FSTL5: variants seen among roughly 807,000 people sequenced by gnomAD.
FSTL5 encodes follistatin-related protein 5.
In FSTL5, 62 loss-of-function variants were observed where a neutral mutation model predicts 89.1. The ratio of observed to expected loss-of-function variants is 0.70; its 90% CI spans 0.57 to 0.86. FSTL5 has a LOEUF of 0.86. Among genes scored for constraint, FSTL5 ranks in the 40% least tolerant of loss-of-function variants. FSTL5 has a pLI of 0.00. For synonymous variants in FSTL5, 383 were observed against 346.2 expected, an observed-to-expected ratio of 1.11 and a Z score of -1.18; for missense variants, 1,057 against 1,001.6, an observed-to-expected ratio of 1.06 and a Z score of -0.75.
chr4:161,459,067 TGC>T, intron 14 of FSTL5, 143 bp downstream of exon 14: 1 of 539,912 alleles, frequency 1.9e-6, no homozygotes, highest in Non-Finnish European at 3.3e-6. Context: ...CCAACTTTTT[TGC>T]CTTTTTCTGT....
At chr4:161,407,471 T>C (rs930021235) in intron 15 of FSTL5, among the ~76,000 whole-genome samples, 1 of 152,128 alleles carries the variant, frequency 6.6e-6, no homozygotes, top group Non-Finnish European at 1.5e-5. Context: ...CTATGGCTAG[T>C]TCCCCTCCCC....
At chr4:162,024,352 C>A (rs894188034) in intron 3 of FSTL5, among the ~76,000 whole-genome samples, 5 of 152,116 alleles carry the variant, frequency 3.3e-5, no homozygotes, top group Non-Finnish European at 5.9e-5. Context: ...ACTTGGAAAG[C>A]ACTTGACAGA....
intron 10 of FSTL5, among the ~76,000 whole-genome samples, chr4:161,511,464 CT>C (rs1250051256): frequency 6.6e-6 from 1 of 152,018 alleles, no homozygotes; most frequent in Admixed American, 6.6e-5. Context: ...GTGTGCATTC[CT>C]GCAGCACATT....
chr4:161,621,199 A>G (rs72687591), intron 7 of FSTL5, among the ~76,000 whole-genome samples: 10 of 151,890 alleles, frequency 6.6e-5, no homozygotes, highest in Admixed American at 3.9e-4. Flanking sequence ...GAAGAATTCA[A>G]TGAAAAATCA....
At chr4:162,058,422 T>C in intron 2 of FSTL5, among the ~76,000 whole-genome samples, 1 of 110,182 alleles carries the variant, frequency 9.1e-6, no homozygotes, top group Non-Finnish European at 1.8e-5. Context: ...AATAAATTCC[T>C]CTTTTTTTTT....
intron 7 of FSTL5, among the ~76,000 whole-genome samples, chr4:161,628,310 C>A (rs1469982789): frequency 6.6e-6 from 1 of 151,492 alleles, no homozygotes; most frequent in Non-Finnish European, 1.5e-5. Context: ...GTAGATTATT[C>A]TAGTTGTAGT....
chr4:161,649,218 T>G (rs527906781), intron 7 of FSTL5, among the ~76,000 whole-genome samples: 118 of 152,302 alleles, frequency 7.7e-4, no homozygotes, highest in African/African-American at 2.7e-3. Context: ...ATCTTGTAAT[T>G]TACATGTGGA....
chr4:161,541,874 A>G (rs1247540389), intron 9 of FSTL5, among the ~76,000 whole-genome samples: 1 of 151,914 alleles, frequency 6.6e-6, no homozygotes, highest in Non-Finnish European at 1.5e-5. Context: ...TATTATATGC[A>G]ACTGCTTTTA....
At chr4:161,482,042 C>T (rs763905899) in intron 12 of FSTL5, among the ~76,000 whole-genome samples, 9 of 152,084 alleles carry the variant, frequency 5.9e-5, no homozygotes, top group Non-Finnish European at 1.3e-4. Context: ...ATGTGCAGGC[C>T]GGGCGTGGTG....
intron 8 of FSTL5, among the ~76,000 whole-genome samples, chr4:161,548,327 T>G (rs867414114): frequency 2.4e-4 from 37 of 151,816 alleles, no homozygotes; most frequent in African/African-American, 8.2e-4. Context: ...TGTTCAATAA[T>G]GAAAACCAGG....
At chr4:162,089,101 CCT>C (rs138397763) in intron 2 of FSTL5, among the ~76,000 whole-genome samples, 24 of 149,772 alleles carry the variant, frequency 1.6e-4, no homozygotes, top group Middle Eastern at 3.4e-3. Flanking sequence ...TATCTCTTTC[CCT>C]CTCTCTCTCT....
chr4:162,096,689 T>C (rs935431731), intron 2 of FSTL5, among the ~76,000 whole-genome samples: 6 of 151,920 alleles, frequency 3.9e-5, no homozygotes, highest in African/African-American at 9.7e-5. Context: ...GGACAAGTAA[T>C]GTAGCTTTAA....
chr4:161,790,207 T>C (rs1729411243), intron 4 of FSTL5, among the ~76,000 whole-genome samples: 1 of 152,228 alleles, frequency 6.6e-6, no homozygotes, highest in Non-Finnish European at 1.5e-5. Flanking sequence ...TTTGATTGTT[T>C]AGATTTGAAA....
chr4:161,896,807 T>C (rs1426955901), intron 4 of FSTL5, among the ~76,000 whole-genome samples: 1 of 152,218 alleles, frequency 6.6e-6, no homozygotes, highest in Non-Finnish European at 1.5e-5. Flanking sequence ...TGTACACTTA[T>C]ATCCTACATT....
chr4:161,734,715 C>A (rs1037354950), intron 6 of FSTL5, among the ~76,000 whole-genome samples: 1 of 152,140 alleles, frequency 6.6e-6, no homozygotes, highest in African/African-American at 2.4e-5. Context: ...CTGTGTTTCC[C>A]CTGCTGTCAC....
chr4:161,848,907 G>A (rs1448907378), intron 4 of FSTL5, among the ~76,000 whole-genome samples: 9 of 151,770 alleles, frequency 5.9e-5, no homozygotes, highest in Admixed American at 2.0e-4. Context: ...TTAGGCTGGG[G>A]AAACATAGCC....
chr4:161,783,521 C>CTTCT lies in FSTL5; in HGVS notation c.410-7451_410-7448dup, dbSNP rs562205446. On this transcript the variant is annotated intron_variant, in intron 4 of 15. Transcript: ENST00000306100. ...TCTTTTTTCTTTCAGTGCATTATGT[C>CTTCT]TTCTTTCTTTCTTTCAGTGCATTAT... Among the ~76,000 whole-genome samples the CTTCT allele has an allele frequency of 5.9e-3, 880 of 149,880 alleles. 4 individuals carry two copies. Among genetic ancestry groups the CTTCT allele is most frequent in the Non-Finnish European group, 0.011 (710 of 66,892 alleles).
intron 4 of FSTL5, among the ~76,000 whole-genome samples, chr4:161,837,325 T>C (rs982902982): frequency 6.6e-6 from 1 of 152,024 alleles, no homozygotes; most frequent in African/African-American, 2.4e-5. Flanking sequence ...TAACAAGTGT[T>C]AGGGAAATTT....
At chr4:161,615,957 C>G (rs980882306) in intron 7 of FSTL5, among the ~76,000 whole-genome samples, 2 of 152,062 alleles carry the variant, frequency 1.3e-5, no homozygotes, top group African/African-American at 4.8e-5. Flanking sequence ...TTATGTCAAA[C>G]CCTTTAAAAT....
Sources: allele counts gnomAD v4.1 joint callset (sites outside exome capture counted in the v4.1 genomes callset), GRCh38; gene constraint gnomAD v4.1.1; transcripts MANE v1.5; gene names NCBI Gene and HGNC (gene_info 2026-07-23, HGNC 2026-07-21).